Variants in CNTNAP2 observed in about 807,000 individuals in gnomAD.
CNTNAP2 encodes the protein contactin-associated protein-like 2.
In CNTNAP2, 98 loss-of-function variants were observed where a neutral mutation model predicts 155.2. That is an observed-to-expected ratio of 0.63 (90% CI 0.54 to 0.75). The LOEUF is 0.75. CNTNAP2 is among the 30% of genes least tolerant of loss of function. The pLI is 0.00. For synonymous variants in CNTNAP2, 651 were observed against 631.2 expected (o/e 1.03, Z -0.47); for missense variants, 1,727 against 1,688.1 (o/e 1.02, Z -0.40).
chr7:147,197,957 GA>G (rs1802839811), intron 8 of CNTNAP2, among the ~76,000 whole-genome samples: 1 of 152,056 alleles, frequency 6.6e-6, no homozygotes, highest in African/African-American at 2.4e-5. Context: ...AAGCAAAAGC[GA>G]CTTCAGAAAC....
chr7:147,082,400 T>C (rs1053695075), intron 4 of CNTNAP2: 1 of 152,182 alleles, frequency 6.6e-6, no homozygotes, highest in Non-Finnish European at 1.5e-5. Flanking sequence ...GCTTGCAGCA[T>C]CTGCTCATAA....
At chr7:147,802,184 C>T (rs572556372) in intron 13 of CNTNAP2, among the ~76,000 whole-genome samples, 80 of 147,150 alleles carry the variant, frequency 5.4e-4, no homozygotes, top group Middle Eastern at 3.9e-3. Flanking sequence ...GACGGGGCGG[C>T]GGGGCAGAGG....
chr7:148,259,224 T>TA (rs1396386333), intron 20 of CNTNAP2, among the ~76,000 whole-genome samples: 1 of 127,926 alleles, frequency 7.8e-6, no homozygotes, highest in Admixed American at 8.8e-5. Context: ...GGCATGGTGG[T>TA]ATGCACCTGT....
intron 1 of CNTNAP2, among the ~76,000 whole-genome samples, chr7:146,531,347 C>T (rs916148068): frequency 5.3e-5 from 8 of 152,024 alleles, no homozygotes; most frequent in Admixed American, 1.3e-4. Context: ...TGTAACAAAC[C>T]TGTACATGTT....
intron 3 of CNTNAP2, among the ~76,000 whole-genome samples, chr7:146,905,856 A>G (rs1796110605): frequency 1.3e-5 from 2 of 152,188 alleles, no homozygotes; most frequent in South Asian, 4.1e-4. Context: ...GATGCAGAAG[A>G]TGGGTGATTT....
At chr7:146,647,245 C>T (rs1799830036) in intron 1 of CNTNAP2, among the ~76,000 whole-genome samples, 2 of 152,140 alleles carry the variant, frequency 1.3e-5, no homozygotes, top group African/African-American at 4.8e-5. Flanking sequence ...GGGCTCCATT[C>T]TGGACTTTAT....
At chr7:147,225,813 A>G (rs1464239504) in intron 8 of CNTNAP2, among the ~76,000 whole-genome samples, 28 of 137,468 alleles carry the variant, frequency 2.0e-4, no homozygotes, top group Non-Finnish European at 3.3e-4. Context: ...GAAAGAAAGA[A>G]GGAAAGAAGG....
At chr7:146,270,005 T>G (rs1280951487) in intron 1 of CNTNAP2, among the ~76,000 whole-genome samples, 2 of 152,212 alleles carry the variant, frequency 1.3e-5, no homozygotes, top group African/African-American at 4.8e-5. Flanking sequence ...CAGGACTTCA[T>G]ACCTGATTCC....
intron 11 of CNTNAP2, among the ~76,000 whole-genome samples, chr7:147,524,331 G>A (rs551937905): frequency 4.6e-5 from 7 of 152,066 alleles, no homozygotes; most frequent in East Asian, 1.9e-4. Flanking sequence ...CGGAGGTTGC[G>A]GTGAGCCGAG....
At chr7:146,228,321 C>T (rs1326167354) in intron 1 of CNTNAP2, among the ~76,000 whole-genome samples, 1 of 152,160 alleles carries the variant, frequency 6.6e-6, no homozygotes, top group African/African-American at 2.4e-5. Context: ...AAATGAAACT[C>T]TCAACAGCAT....
chr7:146,350,914 C>A (rs559390687), intron 1 of CNTNAP2, among the ~76,000 whole-genome samples: 1 of 151,368 alleles, frequency 6.6e-6, no homozygotes, highest in African/African-American at 2.4e-5. Context: ...TCATTCTCAG[C>A]AAACTATCGC....
intron 8 of CNTNAP2, chr7:147,146,239 GTC>G (rs1394659681): frequency 6.5e-6 from 1 of 153,168 alleles, no homozygotes; most frequent in African/African-American, 2.4e-5. Context: ...TTGTTCTTCC[GTC>G]TCTCTCCTCT....
At chr7:147,829,191 T>C (rs1227952827) in intron 13 of CNTNAP2, among the ~76,000 whole-genome samples, 2 of 152,086 alleles carry the variant, frequency 1.3e-5, no homozygotes, top group Non-Finnish European at 2.9e-5. Flanking sequence ...CAACTGGATA[T>C]GAAATTGGAT....
At position 146,202,036 on chromosome 7, in the gene CNTNAP2, G is replaced by T. The variant is rs146003747; in HGVS notation, c.97+85063G>T. On this transcript the variant is annotated intron_variant, in intron 1 of 23. Coordinates refer to ENST00000361727, the MANE Select transcript of CNTNAP2 (RefSeq NM_014141.6). ...CTTAGGGATGACAATCCTGATGGTG[G>T]TGAGTGAGATTCTCATTTGTATATA... 1.2e-3 allele frequency among the ~76,000 whole-genome samples: 186 copies of T among 152,242 alleles called. 1 individual carries two copies. Among genetic ancestry groups the T allele is most frequent in the Middle Eastern group, 3.4e-3 (1 of 294 alleles).
Position 148,344,357 on chromosome 7 carries a change from G to A in CNTNAP2, c.3476-39292G>A, listed in dbSNP as rs190870409. 1.1e-3 allele frequency among the ~76,000 whole-genome samples: 161 copies of A among 152,226 alleles called. No individual in the cohort carries two copies. The Middle Eastern group carries it at 0.014, about 13-fold the overall frequency. Reference sequence around the variant, plus strand: ...GATTGATGAATTCATGTGTGTCCGGGTCTCTGGGGTACACTGTGTGCTCCC... The same window carrying A: ...GATTGATGAATTCATGTGTGTCCGGATCTCTGGGGTACACTGTGTGCTCCC... On this transcript the variant is annotated intron_variant, in intron 21 of 23. Transcript: ENST00000361727.
intron 1 of CNTNAP2, among the ~76,000 whole-genome samples, chr7:146,400,613 A>G (rs1584907618): frequency 6.6e-6 from 1 of 152,240 alleles, no homozygotes; most frequent in Non-Finnish European, 1.5e-5. Context: ...TCTGCATAAG[A>G]CATACTGAGT....
rs558601189 is a variant in CNTNAP2, at chr7:147,617,218, C to A, written c.1898-21888C>A. On this transcript the variant is annotated intron_variant, in intron 12 of 23. Coordinates refer to ENST00000361727, the MANE Select transcript of CNTNAP2 (RefSeq NM_014141.6). ...GCTCTGTCACCAGCTTGCTCCACAG[C>A]TTTCTCAAGCTGGGTTATATGGACC... Among the ~76,000 whole-genome samples the A allele has an allele frequency of 1.6e-4, 24 of 152,306 alleles. No homozygotes were observed. The South Asian group carries it at 2.5e-3, about 16-fold the overall frequency.
chr7:146,458,779 C>A (rs1796594212), intron 1 of CNTNAP2, among the ~76,000 whole-genome samples: 1 of 152,064 alleles, frequency 6.6e-6, no homozygotes, highest in Non-Finnish European at 1.5e-5. Context: ...CTCCTCCCAT[C>A]AGTTGAAAGC....
At chr7:146,780,383 G>T (rs965362029) in intron 2 of CNTNAP2, among the ~76,000 whole-genome samples, 1 of 152,006 alleles carries the variant, frequency 6.6e-6, no homozygotes, top group Non-Finnish European at 1.5e-5. Context: ...TGGAGACAGG[G>T]TTTCACCATG....
Sources: gnomAD v4.1 joint callset for allele counts (sites outside exome capture counted in the v4.1 genomes callset) on GRCh38, gnomAD v4.1.1 for gene constraint, MANE v1.5 for transcripts, NCBI Gene and HGNC (gene_info 2026-07-23, HGNC 2026-07-21) for gene names.